The following GRID2 variants were observed in gnomAD, a reference collection of about 807,000 sequenced individuals.
GRID2 encodes glutamate ionotropic receptor delta type subunit 2.
GRID2 carries 33 observed loss-of-function variants against 114.8 expected under a neutral mutation model. The observed-to-expected ratio is 0.29, with a 90% CI of 0.22 to 0.38. The LOEUF is 0.38. GRID2 is among the 10% of genes least tolerant of loss of function. The pLI, the probability that GRID2 is intolerant of heterozygous loss-of-function variation, is 1.00. For synonymous variants in GRID2, 505 were observed against 449.9 expected, an observed-to-expected ratio of 1.12 and a Z score of -1.55; for missense variants, 1,184 against 1,257.7, an observed-to-expected ratio of 0.94 and a Z score of 0.89.
rs1039053773 is a variant in GRID2, at chr4:93,561,834, C to G, written c.2193+46423C>G. Among the ~76,000 whole-genome samples the G allele has an allele frequency of 6.6e-5, 10 of 152,236 alleles. No individual in the cohort carries two copies. In the East Asian group the frequency reaches 1.9e-3, roughly 29 times the overall value. ...ACTTAGTAATATGCATCTAAGTTTC[C>G]TCCATGTCTTTTCATAACTTGATAG... On this transcript the variant is annotated intron_variant, in intron 13 of 15. Coordinates refer to ENST00000282020, the MANE Select transcript of GRID2 (RefSeq NM_001510.4).
intron 2 of GRID2, among the ~76,000 whole-genome samples, chr4:92,851,702 A>G (rs576966128): frequency 6.6e-6 from 1 of 152,106 alleles, no homozygotes; most frequent in African/African-American, 2.4e-5. Flanking sequence ...AATCAGTAGT[A>G]CAGGTAAAAC....
intron 2 of GRID2, among the ~76,000 whole-genome samples, chr4:92,828,693 C>G (rs1393150187): frequency 1.3e-5 from 2 of 151,806 alleles, no homozygotes; most frequent in Non-Finnish European, 2.9e-5. Context: ...TTTTCTTTTT[C>G]TCTTGTGTGA....
intron 2 of GRID2, among the ~76,000 whole-genome samples, chr4:93,042,691 GC>G (rs1560821925): frequency 1.5e-5 from 2 of 133,576 alleles, no homozygotes; most frequent in Non-Finnish European, 3.2e-5. Context: ...ATATATATAT[GC>G]ATATATATAT....
chr4:93,277,858 T>G (rs527844893), intron 8 of GRID2, among the ~76,000 whole-genome samples: 3 of 151,916 alleles, frequency 2.0e-5, no homozygotes, highest in Non-Finnish European at 4.4e-5. Context: ...AATGAATGAA[T>G]GAACAGAGGG....
At chr4:92,925,654 T>A (rs892828676) in intron 2 of GRID2, among the ~76,000 whole-genome samples, 1 of 152,016 alleles carries the variant, frequency 6.6e-6, no homozygotes, top group Non-Finnish European at 1.5e-5. Context: ...TTTCTGTGGC[T>A]GGCTTCTAGG....
intron 1 of GRID2, among the ~76,000 whole-genome samples, chr4:92,372,763 A>G (rs570507829): frequency 1.3e-5 from 2 of 152,132 alleles, no homozygotes; most frequent in South Asian, 2.1e-4. Flanking sequence ...CCCTATTTTT[A>G]TATGATAGTT....
chr4:93,769,193 A>G lies in GRID2; in HGVS notation c.2361-17A>G. ...ACTATGTCTGTAATAACACATGCTT[A>G]TGTTCTTTATCCCAAGGATCCTGGA... is the stretch of plus-strand genomic sequence containing the variant. On this transcript the variant is annotated splice_polypyrimidine_tract_variant and intron_variant, in intron 14 of 15. Coordinates refer to ENST00000282020, the MANE Select transcript of GRID2 (RefSeq NM_001510.4). 6.2e-7 allele frequency: 1 copy of G among 1,613,138 alleles called. No homozygotes were observed. Among genetic ancestry groups the G allele is most frequent in the Non-Finnish European group, 8.5e-7 (1 of 1,179,212 alleles).
chr4:93,291,483 T>C (rs1302788109), intron 8 of GRID2, among the ~76,000 whole-genome samples: 2 of 152,182 alleles, frequency 1.3e-5, no homozygotes, highest in Non-Finnish European at 2.9e-5. Context: ...GTAAACACTA[T>C]ATATTAATCC....
At chr4:93,730,541 A>T (rs2110222720) in intron 14 of GRID2, among the ~76,000 whole-genome samples, 2 of 152,312 alleles carry the variant, frequency 1.3e-5, no homozygotes, top group South Asian at 4.1e-4. Context: ...TGAACTGGAG[A>T]GCCAAGAGAG....
At chr4:92,982,263 G>A (rs1754268374) in intron 2 of GRID2, among the ~76,000 whole-genome samples, 1 of 151,834 alleles carries the variant, frequency 6.6e-6, no homozygotes, top group Admixed American at 6.6e-5. Flanking sequence ...CTTGATATTT[G>A]TGATAAACAT....
chr4:92,738,177 G>A (rs1736695285), intron 2 of GRID2, among the ~76,000 whole-genome samples: 1 of 152,120 alleles, frequency 6.6e-6, no homozygotes, highest in South Asian at 2.1e-4. Flanking sequence ...GATGGCCAGT[G>A]ATGGTGAGAA....
At chr4:92,713,470 C>CATATATAT (rs1220909062) in intron 2 of GRID2, among the ~76,000 whole-genome samples, 1 of 74,880 alleles carries the variant, frequency 1.3e-5, no homozygotes, top group East Asian at 4.4e-4. Context: ...TTTACATATA[C>CATATATAT]ATATACATAT....
At chr4:92,754,849 G>A (rs977485868) in intron 2 of GRID2, among the ~76,000 whole-genome samples, 13 of 152,138 alleles carry the variant, frequency 8.5e-5, no homozygotes, top group South Asian at 2.1e-4. Flanking sequence ...TCCAATTGTC[G>A]CTCTTTTTAC....
intron 1 of GRID2, among the ~76,000 whole-genome samples, chr4:92,542,322 C>T (rs1726006044): frequency 6.6e-6 from 1 of 151,978 alleles, no homozygotes; most frequent in African/African-American, 2.4e-5. Flanking sequence ...GATTATGAAT[C>T]CATTGTACCT....
chr4:93,146,749 TAAATA>T (rs1736302999), intron 4 of GRID2, among the ~76,000 whole-genome samples: 1 of 152,130 alleles, frequency 6.6e-6, no homozygotes, highest in Non-Finnish European at 1.5e-5. Flanking sequence ...ACTTAGTGTG[TAAATA>T]AAATGTTTTG....
intron 8 of GRID2, among the ~76,000 whole-genome samples, chr4:93,251,035 C>T (rs2149531342): frequency 6.6e-6 from 1 of 152,130 alleles, no homozygotes; most frequent in East Asian, 1.9e-4. Flanking sequence ...GCAAATATTT[C>T]TGAAAATTGA....
At chr4:93,717,377 T>C (rs77009985) in intron 14 of GRID2, among the ~76,000 whole-genome samples, 6,390 of 151,794 alleles carry the variant, frequency 0.042, 218 homozygotes, top group African/African-American at 0.084. Context: ...GATAACTTTC[T>C]CCCTGATGCC....
chr4:92,547,763 A>G (rs1184703020), intron 1 of GRID2, among the ~76,000 whole-genome samples: 1 of 152,014 alleles, frequency 6.6e-6, no homozygotes, highest in Non-Finnish European at 1.5e-5. Flanking sequence ...ATTTGATATT[A>G]TAAGTAGGGA....
intron 2 of GRID2, among the ~76,000 whole-genome samples, chr4:92,748,579 T>C (rs1737269855): frequency 6.6e-6 from 1 of 151,812 alleles, no homozygotes; most frequent in Non-Finnish European, 1.5e-5. Flanking sequence ...TGCACAAGTC[T>C]TGAGGTTCAC....
Sources: gnomAD v4.1 joint callset for allele counts (sites outside exome capture counted in the v4.1 genomes callset) on GRCh38, gnomAD v4.1.1 for gene constraint, MANE v1.5 for transcripts, NCBI Gene and HGNC (gene_info 2026-07-23, HGNC 2026-07-21) for gene names.